Variants in IKZF2 observed in about 807,000 individuals in gnomAD.
IKZF2 encodes IKAROS family zinc finger 2, also known as zinc finger protein Helios.
In IKZF2, 15 loss-of-function variants were observed where a neutral mutation model predicts 49.2. The ratio of observed to expected loss-of-function variants is 0.30; its 90% CI spans 0.20 to 0.47. The LOEUF is 0.47. Among genes scored for constraint, IKZF2 ranks in the 20% least tolerant of loss-of-function variants. The pLI, the probability that IKZF2 is intolerant of heterozygous loss-of-function variation, is 1.00. For missense variants in IKZF2, 567 were observed against 664.6 expected (o/e 0.85, Z 1.61); for synonymous variants, 227 against 221.4 (o/e 1.03, Z -0.23).
At chr2:213,147,224 T>C (rs945550625) in intron 4 of IKZF2, 1 of 185,080 alleles carries the variant, frequency 5.4e-6, no homozygotes, top group Non-Finnish European at 1.1e-5. Flanking sequence ...TCTATAAATT[T>C]TCAATTACAC....
chr2:213,025,232 T>C (rs1252310074), intron 6 of IKZF2, among the ~76,000 whole-genome samples: 1 of 152,184 alleles, frequency 6.6e-6, no homozygotes, highest in Non-Finnish European at 1.5e-5. Context: ...ATATGTTATA[T>C]GCATCCCTTC....
intron 6 of IKZF2, among the ~76,000 whole-genome samples, chr2:213,024,311 C>G (rs1234279199): frequency 6.6e-6 from 1 of 152,150 alleles, no homozygotes; most frequent in Admixed American, 6.6e-5. Context: ...ACAATCTATC[C>G]TTTTACCTCT....
At chr2:213,061,560 A>T (rs939703216) in intron 4 of IKZF2, among the ~76,000 whole-genome samples, 3 of 151,516 alleles carry the variant, frequency 2.0e-5, no homozygotes, top group African/African-American at 7.2e-5. Flanking sequence ...AATGCACAAC[A>T]GTCATTACAT....
Position 213,005,758 on chromosome 2 carries a change from T to A in IKZF2, c.*1602A>T, listed in dbSNP as rs1448855044. 6.6e-6 allele frequency: 1 copy of A among 151,988 alleles called. No individual in the cohort carries two copies. Among genetic ancestry groups the A allele is most frequent in the Non-Finnish European group, 1.5e-5 (1 of 67,994 alleles). 9.4% of individuals were successfully genotyped at this position (151,988 alleles called of 1,614,324 possible). A position where few individuals can be genotyped will look rare whatever the true frequency, so the allele number is the denominator to read the frequency against. ...CCCCCTAAAATGACTTGAATCAATA[T>A]CACTCGGTTCCTCCCCTCTAATGTG... On this transcript the variant is annotated 3_prime_UTR_variant, in exon 9 of 9. Coordinates refer to ENST00000434687, the MANE Select transcript of IKZF2 (RefSeq NM_001387220.1).
At chr2:213,028,967 T>C (rs1043768637) in intron 6 of IKZF2, among the ~76,000 whole-genome samples, 1 of 152,076 alleles carries the variant, frequency 6.6e-6, no homozygotes, top group African/African-American at 2.4e-5. Flanking sequence ...AAAATTACAT[T>C]GTGATGTTTT....
intron 4 of IKZF2, among the ~76,000 whole-genome samples, chr2:213,143,889 A>G (rs2060957232): frequency 6.6e-6 from 1 of 151,956 alleles, no homozygotes; most frequent in Non-Finnish European, 1.5e-5. Flanking sequence ...GACACGGCAG[A>G]CACCCTGAGA....
intron 4 of IKZF2, among the ~76,000 whole-genome samples, chr2:213,129,798 A>G (rs1318361924): frequency 2.0e-5 from 3 of 152,210 alleles, no homozygotes; most frequent in African/African-American, 7.2e-5. Flanking sequence ...ATGATAGACT[A>G]AAGTTACAGT....
At chr2:213,073,677 C>T (rs765993091) in intron 4 of IKZF2, among the ~76,000 whole-genome samples, 3 of 152,114 alleles carry the variant, frequency 2.0e-5, no homozygotes, top group Non-Finnish European at 2.9e-5. Context: ...TAACTTCCAA[C>T]GAATCAGAAG....
At chr2:213,056,125 C>T (rs1284340297) in intron 5 of IKZF2, among the ~76,000 whole-genome samples, 1 of 152,098 alleles carries the variant, frequency 6.6e-6, no homozygotes, top group Non-Finnish European at 1.5e-5. Flanking sequence ...AAGACCTTCT[C>T]ATTTGGTTAG....
chr2:213,023,617 T>C (rs1318728209), intron 6 of IKZF2, among the ~76,000 whole-genome samples: 3 of 152,214 alleles, frequency 2.0e-5, no homozygotes, highest in African/African-American at 7.2e-5. Context: ...TAAATTTACA[T>C]GTAATTATGT....
At chr2:213,123,154 T>G (rs1340323809) in intron 4 of IKZF2, among the ~76,000 whole-genome samples, 1 of 152,216 alleles carries the variant, frequency 6.6e-6, no homozygotes, top group Non-Finnish European at 1.5e-5. Flanking sequence ...TATTATCTTT[T>G]TCACCTAGGA....
At chr2:213,062,883 TA>T (rs1468213024) in intron 4 of IKZF2, among the ~76,000 whole-genome samples, 13 of 152,138 alleles carry the variant, frequency 8.5e-5, no homozygotes, top group African/African-American at 3.1e-4. Context: ...GCTGTTTAAA[TA>T]ATGTGTTAGG....
intron 6 of IKZF2, among the ~76,000 whole-genome samples, chr2:213,034,669 TTATAATA>T (rs1442432201): frequency 1.3e-5 from 2 of 152,150 alleles, no homozygotes; most frequent in East Asian, 3.8e-4. Context: ...CCTAAAACAG[TTATAATA>T]ATAACAAGAA....
intron 4 of IKZF2, among the ~76,000 whole-genome samples, chr2:213,141,801 T>C (rs1195758310): frequency 2.0e-5 from 3 of 151,960 alleles, no homozygotes; most frequent in Non-Finnish European, 2.9e-5. Flanking sequence ...TTTATTCACC[T>C]TTGGATTCAC....
chr2:213,029,645 T>G (rs1430975872), intron 6 of IKZF2, among the ~76,000 whole-genome samples: 2 of 152,062 alleles, frequency 1.3e-5, no homozygotes, highest in Non-Finnish European at 2.9e-5. Flanking sequence ...ATCCCATTAG[T>G]AAGTAACTGT....
intron 5 of IKZF2, among the ~76,000 whole-genome samples, chr2:213,051,566 G>T (rs1008125481): frequency 1.3e-5 from 2 of 151,692 alleles, no homozygotes; most frequent in African/African-American, 4.8e-5. Flanking sequence ...AAAATAAATT[G>T]AATTTTGGCA....
At chr2:213,082,425 G>T (rs541921157) in intron 4 of IKZF2, among the ~76,000 whole-genome samples, 4 of 152,224 alleles carry the variant, frequency 2.6e-5, no homozygotes, top group East Asian at 3.9e-4. Flanking sequence ...CTTATCCTGT[G>T]ATGTTATATT....
chr2:213,089,063 C>T (rs1704999257), intron 4 of IKZF2, among the ~76,000 whole-genome samples: 1 of 152,176 alleles, frequency 6.6e-6, no homozygotes, highest in Non-Finnish European at 1.5e-5. Context: ...GATTAAGACT[C>T]ATCTTGATTT....
chr2:213,130,957 A>G (rs2125895136), intron 4 of IKZF2, among the ~76,000 whole-genome samples: 1 of 152,310 alleles, frequency 6.6e-6, no homozygotes, highest in East Asian at 1.9e-4. Flanking sequence ...TATTAAATAT[A>G]CTGCCTTATT....
Sources: allele counts gnomAD v4.1 joint callset (sites outside exome capture counted in the v4.1 genomes callset), GRCh38; gene constraint gnomAD v4.1.1; transcripts MANE v1.5; gene names NCBI Gene and HGNC (gene_info 2026-07-23, HGNC 2026-07-21).